Variants in SPATA13 observed in about 807,000 individuals in gnomAD.
SPATA13 encodes spermatogenesis-associated protein 13.
In SPATA13, 50 loss-of-function variants were observed where a neutral mutation model predicts 104.0. The observed-to-expected ratio is 0.48, with a 90% CI of 0.38 to 0.61. The LOEUF (loss-of-function observed/expected upper bound fraction) is 0.61, where lower values mean the gene tolerates loss of function less well. SPATA13 is among the 20% of genes least tolerant of loss of function. The probability of loss-of-function intolerance (pLI) is 0.00; values close to 1 mark genes in which losing one functional copy is unlikely to be tolerated. For synonymous variants in SPATA13, 606 were observed against 667.5 expected, an observed-to-expected ratio of 0.91 and a Z score of 1.42; for missense variants, 1,524 against 1,690.6, an observed-to-expected ratio of 0.90 and a Z score of 1.73.
At chr13:24,274,362 C>A (rs577504694) in intron 4 of SPATA13, among the ~76,000 whole-genome samples, 1 of 152,242 alleles carries the variant, frequency 6.6e-6, no homozygotes, top group Non-Finnish European at 1.5e-5. Context: ...TCCCCACTAC[C>A]ACCACCCAAC....
chr13:24,284,679 A>G (rs1416256060), intron 5 of SPATA13, among the ~76,000 whole-genome samples: 1 of 152,136 alleles, frequency 6.6e-6, no homozygotes, highest in African/African-American at 2.4e-5. Context: ...TAAAGAAAGA[A>G]CAACACTGTG....
chr13:24,183,305 C>T (rs1220574), intron 1 of SPATA13, among the ~76,000 whole-genome samples: 14,331 of 152,258 alleles, frequency 0.094, 2,191 homozygotes, highest in African/African-American at 0.33. Flanking sequence ...AGACATCATC[C>T]TTTATCACTT....
intron 3 of SPATA13, among the ~76,000 whole-genome samples, chr13:24,118,361 T>G (rs1200975730): frequency 6.6e-6 from 1 of 152,090 alleles, no homozygotes; most frequent in East Asian, 1.9e-4. Context: ...TTGCTGAAAA[T>G]TACAAAACTA....
chr13:24,240,042 C>T (rs567812863), intron 2 of SPATA13, among the ~76,000 whole-genome samples: 13 of 151,804 alleles, frequency 8.6e-5, no homozygotes, highest in Non-Finnish European at 1.3e-4. Flanking sequence ...TGGTGGCTCA[C>T]GCCTGTAATC....
At position 24,095,243 on chromosome 13, in the gene SPATA13, GAA is replaced by G. The variant is rs1880034540; in HGVS notation, c.-112+77545_-112+77546del. Among the ~76,000 whole-genome samples, 4 of 152,298 alleles carry G rather than the reference GAA, an allele frequency of 2.6e-5. 1 individual carries two copies. The highest frequency in any genetic ancestry group is 2.6e-4 in the Admixed American group (4 of 15,296). The stretch of plus-strand genomic sequence containing the variant: ...TTATTGCATAATTTCACAAAAAGAA[GAA>G]AAGCCTGTTACATGCTATAACACAG... On this transcript the variant is annotated intron_variant, in intron 3 of 14. Coordinates refer to the SPATA13 transcript ENST00000424834.
chr13:24,282,037 A>G (rs145326704), intron 4 of SPATA13, among the ~76,000 whole-genome samples: 2 of 152,158 alleles, frequency 1.3e-5, no homozygotes, highest in Non-Finnish European at 2.9e-5. Context: ...CATGTTTATC[A>G]TTGTTCTAGT....
At chr13:24,290,912 T>G in intron 9 of SPATA13, 28 bp downstream of exon 9, 1 of 1,573,684 alleles carries the variant, frequency 6.4e-7, no homozygotes, top group Non-Finnish European at 8.7e-7. Flanking sequence ...GGGGCACAGG[T>G]GAGAGCACTG....
chr13:24,201,746 C>T (rs1000088259), intron 1 of SPATA13, among the ~76,000 whole-genome samples: 7 of 152,146 alleles, frequency 4.6e-5, no homozygotes, highest in Non-Finnish European at 4.4e-5. Context: ...GCCTAGAGTT[C>T]ACTCTTGATG....
chr13:24,190,310 T>A lies in SPATA13; in HGVS notation c.-112+29378T>A, dbSNP rs61946659. Among the ~76,000 whole-genome samples the A allele has an allele frequency of 3.7e-3, 32 of 8,738 alleles. 7 individuals are homozygous for A. The highest frequency in any genetic ancestry group is 4.2e-3 in the African/African-American group (32 of 7,676). The allele number at this position is 8,738 out of a possible 152,430, so 5.7% of individuals were successfully genotyped here. On this transcript the variant is annotated intron_variant, in intron 1 of 12. Transcript: ENST00000382108. ...ATATAATATTATATATTATTATATA[T>A]AATATATAATATTATATATTATTAT...
intron 11 of SPATA13, among the ~76,000 whole-genome samples, chr13:24,298,225 C>T (rs1021958242): frequency 6.6e-6 from 1 of 152,194 alleles, no homozygotes; most frequent in African/African-American, 2.4e-5. Context: ...AGAAGTATCA[C>T]GTGATTCTGG....
intron 2 of SPATA13, among the ~76,000 whole-genome samples, chr13:23,998,967 C>T (rs1875823823): frequency 6.8e-6 from 1 of 147,916 alleles, no homozygotes; most frequent in East Asian, 2.0e-4. Context: ...GCTGTGTCAC[C>T]CAGGCTGGAG....
intron 1 of SPATA13, among the ~76,000 whole-genome samples, chr13:24,178,192 A>G (rs187990713): frequency 2.8e-4 from 43 of 152,334 alleles, no homozygotes; most frequent in African/African-American, 1.0e-3. Flanking sequence ...CACCAGATCA[A>G]CATAAAAATT....
intron 5 of SPATA13, among the ~76,000 whole-genome samples, 196 bp downstream of exon 5, chr13:24,284,467 C>T (rs897154375): frequency 2.6e-5 from 4 of 152,188 alleles, no homozygotes; most frequent in African/African-American, 9.7e-5. Flanking sequence ...TTAAGACCCG[C>T]CTGGCCAACA....
chr13:24,228,506 G>A (rs1362899877), intron 2 of SPATA13, among the ~76,000 whole-genome samples: 1 of 152,164 alleles, frequency 6.6e-6, no homozygotes, highest in African/African-American at 2.4e-5. Context: ...GGAATGTTCG[G>A]TGTTACTTGT....
intron 3 of SPATA13, among the ~76,000 whole-genome samples, chr13:24,099,871 T>C (rs1314496887): frequency 2.6e-5 from 4 of 152,204 alleles, no homozygotes; most frequent in African/African-American, 9.6e-5. Flanking sequence ...AAGACTAAAC[T>C]GTCATGTCTG....
At chr13:24,143,535 A>G (rs1406575453) in intron 3 of SPATA13, among the ~76,000 whole-genome samples, 1 of 152,216 alleles carries the variant, frequency 6.6e-6, no homozygotes, top group African/African-American at 2.4e-5. Flanking sequence ...CCGAAAGCAG[A>G]AAAGAAAAAT....
At chr13:24,096,210 G>A (rs2902187) in intron 3 of SPATA13, among the ~76,000 whole-genome samples, 65,927 of 152,056 alleles carry the variant, frequency 0.43, 15,059 homozygotes, top group Middle Eastern at 0.52. Flanking sequence ...CCATGTTCAC[G>A]TGGAGCTTAT....
At chr13:24,084,438 C>T (rs1021575499) in intron 3 of SPATA13, among the ~76,000 whole-genome samples, 1 of 152,278 alleles carries the variant, frequency 6.6e-6, no homozygotes, top group African/African-American at 2.4e-5. Flanking sequence ...TCTGGACGTG[C>T]GAGGTACACA....
chr13:23,988,671 T>C (rs1875267898), intron 2 of SPATA13, among the ~76,000 whole-genome samples: 1 of 152,254 alleles, frequency 6.6e-6, no homozygotes, highest in Admixed American at 6.5e-5. Flanking sequence ...AATTCCTTCA[T>C]CTTTGCTCAT....
Sources: allele counts gnomAD v4.1 joint callset (sites outside exome capture counted in the v4.1 genomes callset), GRCh38; gene constraint gnomAD v4.1.1; transcripts MANE v1.5; gene names NCBI Gene and HGNC (gene_info 2026-07-23, HGNC 2026-07-21).